PLPP3: variants seen among roughly 807,000 people sequenced by gnomAD.
PLPP3 encodes the protein PAP2 beta.
PLPP3 carries 6 observed loss-of-function variants against 29.6 expected under a neutral mutation model. That is an observed-to-expected ratio of 0.20 (90% CI 0.11 to 0.40). The LOEUF (loss-of-function observed/expected upper bound fraction) is 0.40. Ranked by LOEUF, PLPP3 falls within the 10% of genes least tolerant of loss-of-function variation. The pLI, the probability that PLPP3 is intolerant of heterozygous loss-of-function variation, is 1.00. For synonymous variants in PLPP3, 152 were observed against 159.7 expected, an observed-to-expected ratio of 0.95 and a Z score of 0.36; for missense variants, 308 against 407.7, an observed-to-expected ratio of 0.76 and a Z score of 2.11.
At chr1:56,542,461 T>G (rs1390269915) in intron 1 of PLPP3, among the ~76,000 whole-genome samples, 2 of 152,174 alleles carry the variant, frequency 1.3e-5, no homozygotes, top group Admixed American at 1.3e-4. Flanking sequence ...AAGGAATCTT[T>G]GCATTTTTTG....
At position 56,537,046 on chromosome 1, in the gene PLPP3, T is replaced by C; in HGVS notation, c.206A>G (p.Asn69Ser). ...CAGTGGGTACTTGATGCTCTCATCA[T>C]TGCAGTAAAACCCTCGGTGGTAAGG... ...IKPYHRGFYC[N>S]DESIKYPLKT... Residue 69 changes from asparagine to serine, a missense_variant, in exon 2 of 6, where the codon AAT becomes AGT. Coordinates refer to ENST00000371250, the MANE Select transcript of PLPP3 (RefSeq NM_003713.5). 3 of 1,613,746 alleles carry C rather than the reference T, an allele frequency of 1.9e-6. No individual in the cohort carries two copies. Among genetic ancestry groups the C allele is most frequent in the Non-Finnish European group, 2.5e-6 (3 of 1,179,822 alleles).
At chr1:56,564,583 G>A (rs539965595) in intron 1 of PLPP3, among the ~76,000 whole-genome samples, 148 of 152,302 alleles carry the variant, frequency 9.7e-4, no homozygotes, top group African/African-American at 3.5e-3. Context: ...AAAATCATAA[G>A]TAAAGGTCCC....
Position 56,579,465 on chromosome 1 carries a change from GCCTCCTCCTCCT to G in PLPP3, c.-461_-450del, listed in dbSNP as rs534837578. 1.7e-5 allele frequency: 3 copies of G among 177,886 alleles called. No individual in the cohort carries two copies. Among genetic ancestry groups the G allele is most frequent in the Admixed American group, 6.5e-5 (1 of 15,322 alleles). The allele number at this position is 177,886 out of a possible 1,614,324, so 11.0% of individuals were successfully genotyped here. ...GAGCGCCAGCCCCAACTCTAACTTT[GCCTCCTCCTCCT>G]CCTCCTCCTCCGGCTCCTCCTGCTC... On this transcript the variant is annotated 5_prime_UTR_variant, in exon 1 of 6. Transcript: ENST00000371250.
intron 1 of PLPP3, among the ~76,000 whole-genome samples, chr1:56,570,964 G>T (rs1377000713): frequency 6.6e-6 from 1 of 152,074 alleles, no homozygotes; most frequent in Admixed American, 6.5e-5. Flanking sequence ...TGTATCTTTG[G>T]CTTCACTCAG....
At chr1:56,505,054 T>C (rs893203689) in intron 5 of PLPP3, among the ~76,000 whole-genome samples, 1 of 152,234 alleles carries the variant, frequency 6.6e-6, no homozygotes, top group Non-Finnish European at 1.5e-5. Flanking sequence ...GGTGCCTCTA[T>C]TGGGTTATGA....
At chr1:56,497,514 C>A (rs1645638069) in intron 5 of PLPP3, among the ~76,000 whole-genome samples, 1 of 152,180 alleles carries the variant, frequency 6.6e-6, no homozygotes, top group Admixed American at 6.5e-5. Flanking sequence ...CATTTAGCAA[C>A]AGGAGTTTTT....
intron 1 of PLPP3, among the ~76,000 whole-genome samples, chr1:56,558,741 G>A (rs531026634): frequency 2.7e-4 from 41 of 152,276 alleles, no homozygotes; most frequent in Non-Finnish European, 5.0e-4. Context: ...GGCCAGGATC[G>A]GAACCCAGAA....
In PLPP3 at chr1:56,523,893, G is replaced by T; in HGVS notation, c.576-13C>A. On this transcript the variant is annotated splice_polypyrimidine_tract_variant and intron_variant, in intron 3 of 5. Transcript: ENST00000371250. ...GAAGAAGGACTTCCTGCAAGAGCAA[G>T]AGAGGGCCATGAAAGGGCCGTATTC... 6.2e-7 allele frequency: 1 copy of T among 1,613,126 alleles called. No individual in the cohort carries two copies. The highest frequency in any genetic ancestry group is 1.3e-5 in the African/African-American group (1 of 74,994).
chr1:56,537,120 A>G lies in PLPP3; in HGVS notation c.140-8T>C, dbSNP rs745573789. On this transcript the variant is annotated splice_region_variant and splice_polypyrimidine_tract_variant and intron_variant, in intron 1 of 5. Transcript: ENST00000371250. Reference sequence around the variant, plus strand: ...TGAGGAAGGGGAGGCCCGCTGGTCCAGGTGGAACCATGGCATATACCAGAA... The same window carrying G: ...TGAGGAAGGGGAGGCCCGCTGGTCCGGGTGGAACCATGGCATATACCAGAA... The G allele has an allele frequency of 1.2e-6, 2 of 1,613,236 alleles. No homozygotes were observed. Among genetic ancestry groups the G allele is most frequent in the South Asian group, 1.1e-5 (1 of 91,006 alleles).
At chr1:56,536,633 T>C (rs1336805404) in intron 2 of PLPP3, among the ~76,000 whole-genome samples, 1 of 152,166 alleles carries the variant, frequency 6.6e-6, no homozygotes, top group Non-Finnish European at 1.5e-5. Context: ...GCAGTTCATT[T>C]GGACAGGTTA....
At chr1:56,559,864 T>C (rs1033549659) in intron 1 of PLPP3, among the ~76,000 whole-genome samples, 1 of 152,118 alleles carries the variant, frequency 6.6e-6, no homozygotes, top group African/African-American at 2.4e-5. Flanking sequence ...GTCCCCTTCA[T>C]CTCCTGTATT....
At chr1:56,537,143 G>GAA in intron 1 of PLPP3, 31 bp from the exon 2 acceptor site, 2 of 1,515,918 alleles carry the variant, frequency 1.3e-6, no homozygotes, top group African/African-American at 2.9e-5. Context: ...GCATATACCA[G>GAA]AAAAAAAAAG....
chr1:56,573,177 C>T (rs940011314), intron 1 of PLPP3, among the ~76,000 whole-genome samples: 5 of 152,248 alleles, frequency 3.3e-5, no homozygotes, highest in African/African-American at 1.2e-4. Flanking sequence ...CAAAGAGTCA[C>T]ATGGCTGGCA....
At chr1:56,498,914 G>C (rs1282193755) in intron 5 of PLPP3, among the ~76,000 whole-genome samples, 1 of 152,142 alleles carries the variant, frequency 6.6e-6, no homozygotes, top group African/African-American at 2.4e-5. Flanking sequence ...TTACAGGTGT[G>C]AGCCACCGTG....
At position 56,526,944 on chromosome 1, in the gene PLPP3, G is replaced by A. The variant is rs533737036; in HGVS notation, c.298-2390C>T. 5.6e-4 allele frequency among the ~76,000 whole-genome samples: 85 copies of A among 152,300 alleles called. No homozygotes were observed. The Middle Eastern group carries it at 0.01, about 18-fold the overall frequency. On this transcript the variant is annotated intron_variant, in intron 2 of 5. Coordinates refer to ENST00000371250, the MANE Select transcript of PLPP3 (RefSeq NM_003713.5). ...GAACCAGACACTGCTACAGATTAAGGAACTGTTTCTAAGCAGGTGTGGCCT... is the reference window on the plus strand; with the variant it reads ...GAACCAGACACTGCTACAGATTAAGAAACTGTTTCTAAGCAGGTGTGGCCT...
At chr1:56,530,521 C>A (rs1344299071) in intron 2 of PLPP3, among the ~76,000 whole-genome samples, 1 of 152,220 alleles carries the variant, frequency 6.6e-6, no homozygotes, top group Admixed American at 6.5e-5. Context: ...GCTCAAGATG[C>A]CACCAAGCAT....
At chr1:56,560,874 G>A (rs1646120494) in intron 1 of PLPP3, among the ~76,000 whole-genome samples, 1 of 115,450 alleles carries the variant, frequency 8.7e-6, no homozygotes, top group Admixed American at 1.3e-4. Flanking sequence ...GTCCTCCTCT[G>A]TCGCCCAGGC....
intron 1 of PLPP3, among the ~76,000 whole-genome samples, chr1:56,566,911 C>T (rs1646165343): frequency 6.6e-6 from 1 of 152,160 alleles, no homozygotes; most frequent in South Asian, 2.1e-4. Flanking sequence ...GACAACTACA[C>T]ATACACAGCC....
rs2100612745 is a variant in PLPP3 at position 56,495,637 on chromosome 1, G to C, written c.*914C>G. 6.5e-6 allele frequency: 1 copy of C among 152,800 alleles called. No individual in the cohort carries two copies. The highest frequency in any genetic ancestry group is 1.5e-5 in the Non-Finnish European group (1 of 68,058). The allele number at this position is 152,800 out of a possible 1,614,324, so 9.5% of individuals were successfully genotyped here. A position where few individuals can be genotyped will look rare whatever the true frequency, so the allele number is the denominator to read the frequency against. On this transcript the variant is annotated 3_prime_UTR_variant, in exon 6 of 6. Transcript: ENST00000371250. ...TCACCCTCCCATCTGTTGTACAGAA[G>C]GCTGCTTTCCGTCAGCTGGTGGCAG...
Sources: allele counts gnomAD v4.1 joint callset (sites outside exome capture counted in the v4.1 genomes callset), GRCh38; gene constraint gnomAD v4.1.1; transcripts MANE v1.5; gene names NCBI Gene and HGNC (gene_info 2026-07-23, HGNC 2026-07-21).